GNG7: variants seen among roughly 807,000 people sequenced by gnomAD.
GNG7 encodes G protein subunit gamma 7.
In GNG7, 1 loss-of-function variant was observed where a neutral mutation model predicts 4.0. That is an observed-to-expected ratio of 0.25 (90% CI 0.09 to 1.18). GNG7 has a LOEUF of 1.18. GNG7 is among the 50% of genes most tolerant of loss of function. The pLI is 0.50. For missense variants in GNG7, 86 were observed against 91.9 expected, an observed-to-expected ratio of 0.94 and a Z score of 0.26; for synonymous variants, 34 against 36.9, an observed-to-expected ratio of 0.92 and a Z score of 0.29.
In GNG7 at chr19:2,514,961, A is replaced by G; in HGVS notation, c.*61T>C. 2 of 1,367,916 alleles carry G rather than the reference A, an allele frequency of 1.5e-6. No individual in the cohort carries two copies. The highest frequency in any genetic ancestry group is 1.0e-6 in the Non-Finnish European group (1 of 963,958). 84.7% of individuals were successfully genotyped at this position (1,367,916 alleles called of 1,614,324 possible). A position where few individuals can be genotyped will look rare whatever the true frequency, so the allele number is the denominator to read the frequency against. On this transcript the variant is annotated 3_prime_UTR_variant, in exon 5 of 5. Transcript: ENST00000382159. The stretch of plus-strand genomic sequence containing the variant: ...GAATGATGCCCTGCCTGAGACAGAG[A>G]CAGAGACAGAGAGAGAGAGAGAGAA...
At chr19:2,553,599 T>C (rs75860410) in intron 3 of GNG7, among the ~76,000 whole-genome samples, 3,468 of 146,060 alleles carry the variant, frequency 0.024, 3 homozygotes, top group Admixed American at 0.034. Context: ...ACATATTACA[T>C]GCAATATATC....
intron 1 of GNG7, among the ~76,000 whole-genome samples, chr19:2,696,292 GAGAAAGAAAGAA>G (rs796306243): frequency 0.046 from 4,966 of 108,536 alleles, 110 homozygotes; most frequent in Middle Eastern, 0.054. Flanking sequence ...AAGAGAGAGA[GAGAAAGAAAGAA>G]AGAAAGAAAG....
intron 2 of GNG7, among the ~76,000 whole-genome samples, chr19:2,563,294 T>C (rs927796725): frequency 6.6e-6 from 1 of 152,120 alleles, no homozygotes; most frequent in African/African-American, 2.4e-5. Flanking sequence ...TTCTGTACTC[T>C]GGACATTGGG....
At chr19:2,682,181 T>C (rs1983754869) in intron 1 of GNG7, among the ~76,000 whole-genome samples, 1 of 151,644 alleles carries the variant, frequency 6.6e-6, no homozygotes, top group African/African-American at 2.4e-5. Context: ...AGTGCTGTGA[T>C]TACAGGCGTG....
intron 1 of GNG7, among the ~76,000 whole-genome samples, chr19:2,681,582 G>A (rs146135192): frequency 4.6e-5 from 7 of 152,170 alleles, no homozygotes; most frequent in African/African-American, 1.4e-4. Context: ...TCCTTCTTGC[G>A]CAGTGTTTGT....
chr19:2,636,567 G>C (rs577445190), intron 2 of GNG7, among the ~76,000 whole-genome samples: 4 of 152,136 alleles, frequency 2.6e-5, no homozygotes, highest in Admixed American at 2.6e-4. Flanking sequence ...AGACACCTCT[G>C]TGCCCGAGTG....
intron 1 of GNG7, among the ~76,000 whole-genome samples, chr19:2,656,758 C>G (rs953516828): frequency 6.6e-6 from 1 of 152,164 alleles, no homozygotes; most frequent in African/African-American, 2.4e-5. Context: ...GCTCCTACAG[C>G]ACAGCTGGGA....
In GNG7 at chr19:2,702,694, C is replaced by G. The variant is rs1269092117; in HGVS notation, c.-183G>C. On this transcript the variant is annotated 5_prime_UTR_variant, in exon 1 of 5. Transcript: ENST00000382159. ...CTCAGCCCCGCCGCGCAGCCGAACC[C>G]TCCGCCCCGGCCCGCGAGCGCTCGC... The G allele has an allele frequency of 6.6e-6, 1 of 151,092 alleles. No homozygotes were observed. Among genetic ancestry groups the G allele is most frequent in the East Asian group, 1.9e-4 (1 of 5,156 alleles). 9.4% of individuals were successfully genotyped at this position (151,092 alleles called of 1,614,324 possible).
intron 1 of GNG7, among the ~76,000 whole-genome samples, chr19:2,697,504 G>A (rs1405930433): frequency 2.0e-5 from 3 of 152,168 alleles, no homozygotes; most frequent in Non-Finnish European, 4.4e-5. Flanking sequence ...CCTGGGTGAC[G>A]TAAACCATGA....
intron 2 of GNG7, among the ~76,000 whole-genome samples, chr19:2,629,798 A>C (rs900520557): frequency 2.0e-5 from 3 of 152,112 alleles, no homozygotes; most frequent in Non-Finnish European, 4.4e-5. Flanking sequence ...TGGACACTTA[A>C]TGTTCCTGCA....
At position 2,557,082 on chromosome 19, in the gene GNG7, C is replaced by T. The variant is rs1435122959; in HGVS notation, c.-77-1894G>A. 6.6e-6 allele frequency among the ~76,000 whole-genome samples: 1 copy of T among 151,954 alleles called. No homozygotes were observed. Among genetic ancestry groups the T allele is most frequent in the Non-Finnish European group, 1.5e-5 (1 of 67,970 alleles). ...ATGCACGCACACAGACACACGCACA[C>T]ACGTGCACACAGGAATACTCAGACA... On this transcript the variant is annotated intron_variant, in intron 2 of 4. Coordinates refer to ENST00000382159, the MANE Select transcript of GNG7 (RefSeq NM_052847.3). This position sits in a 1 kb window ranked among gnomAD's most constrained non-coding sequence, Gnocchi z 5.1.
intron 3 of GNG7, among the ~76,000 whole-genome samples, chr19:2,536,824 C>T (rs1978751531): frequency 6.6e-6 from 1 of 152,116 alleles, no homozygotes; most frequent in Non-Finnish European, 1.5e-5. Context: ...ACCCTGGGTT[C>T]TCGGGAGGGG....
chr19:2,594,484 T>C (rs1014614198), intron 2 of GNG7, among the ~76,000 whole-genome samples: 3 of 151,806 alleles, frequency 2.0e-5, no homozygotes, highest in South Asian at 4.2e-4. Flanking sequence ...AAATTACATA[T>C]AGTGGAAAAT....
At chr19:2,691,022 G>A (rs1913123173) in intron 1 of GNG7, among the ~76,000 whole-genome samples, 1 of 152,158 alleles carries the variant, frequency 6.6e-6, no homozygotes, top group East Asian at 1.9e-4. Flanking sequence ...ACAATGATGT[G>A]TCAACGTGGG....
chr19:2,664,350 G>C (rs918464666), intron 1 of GNG7, among the ~76,000 whole-genome samples: 1 of 152,240 alleles, frequency 6.6e-6, no homozygotes, highest in Non-Finnish European at 1.5e-5. Flanking sequence ...GCAAAGGAAG[G>C]GGGCAGAGAG....
At chr19:2,568,158 CACAT>C (rs200281281) in intron 2 of GNG7, among the ~76,000 whole-genome samples, 7,419 of 151,130 alleles carry the variant, frequency 0.049, 523 homozygotes, top group African/African-American at 0.16. Flanking sequence ...CACACACATA[CACAT>C]ACATACACAC....
rs78219107 is a variant in GNG7 at position 2,638,394 on chromosome 19, G to A, written c.-78+7830C>T. On this transcript the variant is annotated intron_variant, in intron 2 of 4. Coordinates refer to ENST00000382159, the MANE Select transcript of GNG7 (RefSeq NM_052847.3). ...AAAGAAAAGAAAAGGGGAAGAGAAG[G>A]GGATGGGAAGGGAAAGGGGGAGGGG... 5.3e-3 allele frequency among the ~76,000 whole-genome samples: 657 copies of A among 124,892 alleles called. 8 individuals carry two copies. Among genetic ancestry groups the A allele is most frequent in the African/African-American group, 0.02 (620 of 31,588 alleles). 81.9% of individuals were successfully genotyped at this position (124,892 alleles called of 152,430 possible). A position where few individuals can be genotyped will look rare whatever the true frequency, so the allele number is the denominator to read the frequency against.
intron 1 of GNG7, among the ~76,000 whole-genome samples, chr19:2,691,981 G>C (rs1018227821): frequency 6.6e-6 from 1 of 152,150 alleles, no homozygotes; most frequent in African/African-American, 2.4e-5. Flanking sequence ...GACTCCTGGA[G>C]CCCCCAGGGG....
At chr19:2,641,667 A>G (rs777974484) in intron 2 of GNG7, among the ~76,000 whole-genome samples, 5 of 148,812 alleles carry the variant, frequency 3.4e-5, no homozygotes, top group African/African-American at 5.0e-5. Flanking sequence ...TTTTTTTTTT[A>G]TTTTTTCTTT....
Sources: allele counts gnomAD v4.1 joint callset (sites outside exome capture counted in the v4.1 genomes callset), GRCh38; gene constraint gnomAD v4.1.1; non-coding constraint Gnocchi (gnomAD v3.1); transcripts MANE v1.5; gene names NCBI Gene and HGNC (gene_info 2026-07-23, HGNC 2026-07-21).